DOK6: variants seen among roughly 807,000 people sequenced by gnomAD.
DOK6 encodes the protein downstream of tyrosine kinase 6.
DOK6 carries 22 observed loss-of-function variants against 44.0 expected under a neutral mutation model. That is an observed-to-expected ratio of 0.50 (90% CI 0.36 to 0.71). The LOEUF (loss-of-function observed/expected upper bound fraction) is 0.71. DOK6 is among the 30% of genes least tolerant of loss of function. The probability of loss-of-function intolerance (pLI) is 0.00; values close to 1 mark genes in which losing one functional copy is unlikely to be tolerated. For missense variants in DOK6, 340 were observed against 416.4 expected, an observed-to-expected ratio of 0.82 and a Z score of 1.60; for synonymous variants, 166 against 145.5, an observed-to-expected ratio of 1.14 and a Z score of -1.01.
chr18:69,497,495 C>T (rs114234800), intron 1 of DOK6, among the ~76,000 whole-genome samples: 62 of 152,196 alleles, frequency 4.1e-4, no homozygotes, highest in African/African-American at 1.5e-3. Flanking sequence ...TAGGGGCTGA[C>T]TTGGTCTGTG....
intron 2 of DOK6, among the ~76,000 whole-genome samples, chr18:69,598,444 TATA>T (rs1284535039): frequency 5.9e-5 from 9 of 151,984 alleles, no homozygotes; most frequent in Non-Finnish European, 1.0e-4. Context: ...TAATTATAGA[TATA>T]ATATCATAGG....
intron 5 of DOK6, among the ~76,000 whole-genome samples, chr18:69,715,671 T>G (rs1377663812): frequency 3.3e-5 from 5 of 152,206 alleles, no homozygotes; most frequent in African/African-American, 1.2e-4. Flanking sequence ...TAAAGGACTC[T>G]CTCTAAAGTT....
chr18:69,537,294 C>G (rs892235441), intron 1 of DOK6, among the ~76,000 whole-genome samples: 2 of 152,184 alleles, frequency 1.3e-5, no homozygotes, highest in Non-Finnish European at 1.5e-5. Context: ...CTTCTCTTCC[C>G]TTTAAGTAGA....
At position 69,737,438 on chromosome 18, in the gene DOK6, C is replaced by T. The variant is rs558784588; in HGVS notation, c.600-1527C>T. 3.9e-5 allele frequency among the ~76,000 whole-genome samples: 6 copies of T among 152,262 alleles called. No homozygotes were observed. The East Asian group carries it at 1.2e-3, about 30-fold the overall frequency. ...TGCCCCCTGATCCATTCACCTCCCT[C>T]CCTCCACATGTGGGGATTACAGGTC... On this transcript the variant is annotated intron_variant, in intron 5 of 7. Coordinates refer to ENST00000382713, the MANE Select transcript of DOK6 (RefSeq NM_152721.6).
intron 3 of DOK6, among the ~76,000 whole-genome samples, chr18:69,674,952 C>T (rs1345203374): frequency 6.7e-6 from 1 of 149,008 alleles, no homozygotes; most frequent in African/African-American, 2.4e-5. Context: ...ATCTCTCTTC[C>T]TCTCTCTCTC....
chr18:69,711,416 A>C (rs1278397466), intron 5 of DOK6, among the ~76,000 whole-genome samples: 1 of 152,208 alleles, frequency 6.6e-6, no homozygotes, highest in Non-Finnish European at 1.5e-5. Context: ...CGTTGTTAAA[A>C]ATTATGTTAC....
rs187731695 is a variant in DOK6 at position 69,716,750 on chromosome 18, A to T, written c.599+18157A>T. On this transcript the variant is annotated intron_variant, in intron 5 of 7. Coordinates refer to ENST00000382713, the MANE Select transcript of DOK6 (RefSeq NM_152721.6). ...ACCTATAACCAGGAACTGGCTTTTT[A>T]AAAAAATTGTTCTTGCGCCCTAAAG... Among the ~76,000 whole-genome samples, 509 of 150,342 alleles carry T rather than the reference A, an allele frequency of 3.4e-3. 4 individuals carry two copies. The highest frequency in any genetic ancestry group is 0.013 in the South Asian group (63 of 4,776).
chr18:69,692,433 T>C (rs899129167), intron 4 of DOK6, among the ~76,000 whole-genome samples: 5 of 152,250 alleles, frequency 3.3e-5, no homozygotes, highest in African/African-American at 1.2e-4. Context: ...TCTGGGTCTT[T>C]TAATGAATTA....
At position 69,846,855 on chromosome 18, in the gene DOK6, A is replaced by G. The variant is rs1982355316; in HGVS notation, c.*5472A>G. On this transcript the variant is annotated 3_prime_UTR_variant, in exon 8 of 8. Transcript: ENST00000382713. Reference sequence around the variant, plus strand: ...CCTCAAGAAGCTTCCATTATCAACAAGAATTGGGGAAATGACTTTTTTACA... The same window carrying G: ...CCTCAAGAAGCTTCCATTATCAACAGGAATTGGGGAAATGACTTTTTTACA... 6.6e-6 allele frequency: 1 copy of G among 152,206 alleles called. No homozygotes were observed. Among genetic ancestry groups the G allele is most frequent in the Non-Finnish European group, 1.5e-5 (1 of 68,034 alleles). 9.4% of individuals were successfully genotyped at this position (152,206 alleles called of 1,614,324 possible).
At chr18:69,809,774 C>T (rs1981166658) in intron 7 of DOK6, among the ~76,000 whole-genome samples, 1 of 151,482 alleles carries the variant, frequency 6.6e-6, no homozygotes, top group African/African-American at 2.4e-5. Flanking sequence ...TAAATTCAAC[C>T]AAGGAGGTGA....
chr18:69,824,500 C>G (rs1164026273), intron 7 of DOK6, among the ~76,000 whole-genome samples: 1 of 151,818 alleles, frequency 6.6e-6, no homozygotes, highest in African/African-American at 2.4e-5. Context: ...GTAGCTGAAA[C>G]CAAGGCACGT....
chr18:69,633,874 G>C (rs1207740989), intron 3 of DOK6, among the ~76,000 whole-genome samples: 1 of 152,020 alleles, frequency 6.6e-6, no homozygotes, highest in African/African-American at 2.4e-5. Flanking sequence ...ACCGAGTAAG[G>C]GAAACAGAAT....
At position 69,591,611 on chromosome 18, in the gene DOK6, A is replaced by T. The variant is rs1053868443; in HGVS notation, c.175-7773A>T. On this transcript the variant is annotated intron_variant, in intron 2 of 7. Transcript: ENST00000382713. ...TAAGGTCGATATTAAATATTTTTTT[A>T]AAAATATGTATAATAAAATAATGTC... Among the ~76,000 whole-genome samples the T allele has an allele frequency of 3.2e-3, 480 of 152,122 alleles. 1 individual carries two copies. Among genetic ancestry groups the T allele is most frequent in the Admixed American group, 7.7e-3 (118 of 15,286 alleles).
chr18:69,624,509 T>C (rs953090358), intron 3 of DOK6, among the ~76,000 whole-genome samples: 1 of 152,160 alleles, frequency 6.6e-6, no homozygotes, highest in African/African-American at 2.4e-5. Flanking sequence ...AAAAATTGTT[T>C]AGTGGCATTT....
rs112398085 is a variant in DOK6 at position 69,561,380 on chromosome 18, T to A, written c.67-3107T>A. 8.1e-3 allele frequency among the ~76,000 whole-genome samples: 1,230 copies of A among 152,294 alleles called. 16 individuals are homozygous for A. The highest frequency in any genetic ancestry group is 0.027 in the African/African-American group (1,130 of 41,566). On this transcript the variant is annotated intron_variant, in intron 1 of 7. Coordinates refer to ENST00000382713, the MANE Select transcript of DOK6 (RefSeq NM_152721.6). ...TGAAATGTAATTACTTCATTTAAGTTCAAAAGCAGAATTCTACAGCACTAA... is the reference window on the plus strand; with the variant it reads ...TGAAATGTAATTACTTCATTTAAGTACAAAAGCAGAATTCTACAGCACTAA...
rs1045337364 is a variant in DOK6 at position 69,695,158 on chromosome 18, C to T, written c.410-3246C>T. Among the ~76,000 whole-genome samples, 8 of 152,186 alleles carry T rather than the reference C, an allele frequency of 5.3e-5. No homozygotes were observed. The East Asian group carries it at 1.5e-3, about 29-fold the overall frequency. ...TGGCAATATTTTAAAGTGAGTTTCA[C>T]AAATCAACAGTTCTCAAAGTGTGGT... On this transcript the variant is annotated intron_variant, in intron 4 of 7. Transcript: ENST00000382713.
chr18:69,448,574 A>C (rs1822268), intron 1 of DOK6, among the ~76,000 whole-genome samples: 11,333 of 152,072 alleles, frequency 0.075, 528 homozygotes, highest in Non-Finnish European at 0.1. Context: ...GGGTTTCACC[A>C]TGTTGGTCAG....
chr18:69,740,730 T>C (rs2144739181), intron 6 of DOK6, among the ~76,000 whole-genome samples: 1 of 152,346 alleles, frequency 6.6e-6, no homozygotes, highest in South Asian at 2.1e-4. Flanking sequence ...TTGGTTGTTA[T>C]GAGGTTTCTG....
intron 1 of DOK6, among the ~76,000 whole-genome samples, chr18:69,537,449 A>G (rs2144578328): frequency 1.3e-5 from 2 of 152,320 alleles, no homozygotes; most frequent in East Asian, 3.9e-4. Flanking sequence ...CCAGACTGCC[A>G]GTTCCTTCAA....
Sources: gnomAD v4.1 joint callset for allele counts (sites outside exome capture counted in the v4.1 genomes callset) on GRCh38, gnomAD v4.1.1 for gene constraint, MANE v1.5 for transcripts, NCBI Gene and HGNC (gene_info 2026-07-23, HGNC 2026-07-21) for gene names.